Variants in AFG2A observed in about 807,000 individuals in gnomAD.
AFG2A encodes ATPase family gene 2 protein homolog A.
the AFG2A span, among the ~76,000 whole-genome samples, chr4:122,982,322 A>T: frequency 3.3e-5 from 5 of 152,334 alleles, no homozygotes; most frequent in South Asian, 1.0e-3. Flanking sequence ...ATGTTGAACC[A>T]GCAGCCTTGC....
the AFG2A span, among the ~76,000 whole-genome samples, chr4:123,196,291 G>C: frequency 6.7e-6 from 1 of 149,752 alleles, no homozygotes; most frequent in Non-Finnish European, 1.5e-5. Flanking sequence ...TTACAGGTGT[G>C]AGCCACCGCG....
chr4:123,295,889 C>T, the AFG2A span, among the ~76,000 whole-genome samples: 2 of 152,142 alleles, frequency 1.3e-5, no homozygotes, highest in East Asian at 1.9e-4. Flanking sequence ...CAGCTGAGCA[C>T]GATCTTGTCT....
the AFG2A span, among the ~76,000 whole-genome samples, chr4:123,108,073 G>A: frequency 1.3e-4 from 20 of 152,206 alleles, no homozygotes; most frequent in African/African-American, 4.6e-4. Flanking sequence ...CTGCCCGTTC[G>A]CAGCCTTGAC....
At chr4:123,244,656 A>G in the AFG2A span, among the ~76,000 whole-genome samples, 59 of 152,320 alleles carry the variant, frequency 3.9e-4, no homozygotes, top group African/African-American at 1.3e-3. Context: ...TTACCATATC[A>G]TCCATTCTTT....
chr4:122,995,895 A>G, the AFG2A span, among the ~76,000 whole-genome samples: 4 of 152,206 alleles, frequency 2.6e-5, no homozygotes, highest in African/African-American at 9.6e-5. Flanking sequence ...ACTAGTACCC[A>G]CTAGTAGGGT....
At chr4:123,192,999 A>G in the AFG2A span, among the ~76,000 whole-genome samples, 172 of 152,292 alleles carry the variant, frequency 1.1e-3, 2 homozygotes, top group East Asian at 0.024. Flanking sequence ...TCTCTTGTTT[A>G]TTTATTTGTA....
chr4:122,977,090 A>T, the AFG2A span, among the ~76,000 whole-genome samples: 2 of 152,100 alleles, frequency 1.3e-5, no homozygotes, highest in Non-Finnish European at 2.9e-5. Context: ...GTAATCTTGC[A>T]TGGGGTTTGG....
At chr4:123,202,977 C>T in the AFG2A span, among the ~76,000 whole-genome samples, 3 of 151,900 alleles carry the variant, frequency 2.0e-5, no homozygotes, top group Non-Finnish European at 4.4e-5. Context: ...GAGCCGTGAT[C>T]GTACTGCTGC....
chr4:123,232,782 A>T, the AFG2A span, among the ~76,000 whole-genome samples: 1 of 152,042 alleles, frequency 6.6e-6, no homozygotes, highest in Non-Finnish European at 1.5e-5. Flanking sequence ...TGGCAGAATG[A>T]GGTGGGATTG....
At chr4:122,941,619 C>G in the AFG2A span, among the ~76,000 whole-genome samples, 9 of 152,142 alleles carry the variant, frequency 5.9e-5, no homozygotes, top group Non-Finnish European at 1.0e-4. Context: ...ACTGAATACC[C>G]TTTATTTCCT....
chr4:122,951,902 A>G, the AFG2A span, among the ~76,000 whole-genome samples: 4 of 152,188 alleles, frequency 2.6e-5, no homozygotes, highest in South Asian at 2.1e-4. Flanking sequence ...CTAAAAGACT[A>G]TGTGACAGTT....
At chr4:123,168,651 A>G in the AFG2A span, among the ~76,000 whole-genome samples, 1 of 152,196 alleles carries the variant, frequency 6.6e-6, no homozygotes, top group Admixed American at 6.5e-5. Flanking sequence ...TATTTCAGAT[A>G]TATTAGTATA....
chr4:123,175,741 A>C, the AFG2A span, among the ~76,000 whole-genome samples: 1 of 152,314 alleles, frequency 6.6e-6, no homozygotes, highest in East Asian at 1.9e-4. Context: ...GGACAACTTA[A>C]GTGTCCATCA....
chr4:123,124,389 CA>C, the AFG2A span, among the ~76,000 whole-genome samples: 1 of 152,168 alleles, frequency 6.6e-6, no homozygotes, highest in East Asian at 1.9e-4. Context: ...ATTGCAAGGA[CA>C]AAAAACCAAA....
At chr4:123,290,439 T>A in the AFG2A span, among the ~76,000 whole-genome samples, 1 of 152,204 alleles carries the variant, frequency 6.6e-6, no homozygotes, top group Non-Finnish European at 1.5e-5. Flanking sequence ...CCAGCACCAT[T>A]TATTGAAAAA....
chr4:123,237,694 A>G, the AFG2A span, among the ~76,000 whole-genome samples: 2 of 149,930 alleles, frequency 1.3e-5, no homozygotes, highest in Non-Finnish European at 3.0e-5. Flanking sequence ...AAAAAAAAAA[A>G]AAAGGAGTTC....
chr4:123,058,775 T>C, the AFG2A span, among the ~76,000 whole-genome samples: 8 of 151,440 alleles, frequency 5.3e-5, no homozygotes, highest in African/African-American at 1.9e-4. Flanking sequence ...CAATTCAAGA[T>C]GAGATTTGGG....
the AFG2A span, among the ~76,000 whole-genome samples, chr4:122,949,164 C>G: frequency 6.6e-6 from 1 of 152,140 alleles, no homozygotes; most frequent in Non-Finnish European, 1.5e-5. Context: ...CCATAGGTTC[C>G]GCCCTTGTGG....
the AFG2A span, among the ~76,000 whole-genome samples, chr4:123,163,155 G>A: frequency 6.6e-6 from 1 of 152,284 alleles, no homozygotes; most frequent in East Asian, 1.9e-4. Context: ...CACTGCCTGG[G>A]CCAGGTGCAG....
Sources: gnomAD v4.1 joint callset for allele counts (sites outside exome capture counted in the v4.1 genomes callset) on GRCh38, gnomAD v4.1.1 for gene constraint, MANE v1.5 for transcripts, NCBI Gene and HGNC (gene_info 2026-07-23, HGNC 2026-07-21) for gene names.